Variants in UBE2S observed in about 807,000 individuals in gnomAD.
UBE2S encodes ubiquitin conjugating enzyme E2 S, also known as ubiquitin-conjugating enzyme E2 S.
In UBE2S, 3 loss-of-function variants were observed where a neutral mutation model predicts 12.3. The ratio of observed to expected loss-of-function variants is 0.24; its 90% CI spans 0.11 to 0.63. The LOEUF is 0.63. Among genes scored for constraint, UBE2S ranks in the 30% least tolerant of loss-of-function variants. The pLI, the probability that UBE2S is intolerant of heterozygous loss-of-function variation, is 0.85. For synonymous variants in UBE2S, 133 were observed against 142.0 expected (o/e 0.94, Z 0.45); for missense variants, 211 against 313.9 (o/e 0.67, Z 2.48).
rs761760162 is a variant in UBE2S, at chr19:55,400,913, C to G, written c.*523G>C. Reference sequence around the variant, plus strand: ...TTGGCCCAGTCCAGAACCAGACAGACGAGGCGAGCCTCATGCCAGACTGCT... The same window carrying G: ...TTGGCCCAGTCCAGAACCAGACAGAGGAGGCGAGCCTCATGCCAGACTGCT... On this transcript the variant is annotated 3_prime_UTR_variant, in exon 4 of 4. Transcript: ENST00000264552. 6.3e-6 allele frequency: 1 copy of G among 158,104 alleles called. No homozygotes were observed. Among genetic ancestry groups the G allele is most frequent in the South Asian group, 1.8e-4 (1 of 5,442 alleles). 9.8% of individuals were successfully genotyped at this position (158,104 alleles called of 1,614,324 possible).
At chr19:55,406,562 G>C (rs2090097299) in intron 2 of UBE2S, among the ~76,000 whole-genome samples, 1 of 152,142 alleles carries the variant, frequency 6.6e-6, no homozygotes, top group African/African-American at 2.4e-5. Context: ...GTCCAGGGAA[G>C]CCATGTCTGA....
In UBE2S at chr19:55,400,644, A is replaced by T. The variant is rs1249995749; in HGVS notation, c.*792T>A. 6.6e-6 allele frequency: 1 copy of T among 152,282 alleles called. No homozygotes were observed. The highest frequency in any genetic ancestry group is 1.5e-5 in the Non-Finnish European group (1 of 68,076). The allele number at this position is 152,282 out of a possible 1,614,324, so 9.4% of individuals were successfully genotyped here. A position where few individuals can be genotyped will look rare whatever the true frequency, so the allele number is the denominator to read the frequency against. Reference sequence around the variant, plus strand: ...AATCAGCCAACAACCATGAGCATGGAAGAGGACCCAGACTAAGGAACACCA... The same window carrying T: ...AATCAGCCAACAACCATGAGCATGGTAGAGGACCCAGACTAAGGAACACCA... On this transcript the variant is annotated 3_prime_UTR_variant, in exon 4 of 4. Transcript: ENST00000264552.
At chr19:55,407,361 C>T (rs2090103430) in intron 1 of UBE2S, among the ~76,000 whole-genome samples, 1 of 152,168 alleles carries the variant, frequency 6.6e-6, no homozygotes, top group African/African-American at 2.4e-5. Flanking sequence ...CTGGTAACAC[C>T]CATGGGCGGG....
In UBE2S at chr19:55,403,159, A is replaced by AT. The variant is rs1238112766; in HGVS notation, c.342+1128dup. On this transcript the variant is annotated intron_variant, in intron 3 of 3. Coordinates refer to ENST00000264552, the MANE Select transcript of UBE2S (RefSeq NM_014501.3). Reference sequence around the variant, plus strand: ...ACCCTTTCTGGTCTCCTGACAATGCATAATACCCCTTGGGGGGCAAAATCA... The same window carrying AT: ...ACCCTTTCTGGTCTCCTGACAATGCATTAATACCCCTTGGGGGGCAAAATCA... 4.2e-6 allele frequency: 3 copies of AT among 712,106 alleles called. No individual in the cohort carries two copies. The East Asian group carries it at 8.1e-5, about 19-fold the overall frequency. 44.1% of individuals were successfully genotyped at this position (712,106 alleles called of 1,614,324 possible). A position where few individuals can be genotyped will look rare whatever the true frequency, so the allele number is the denominator to read the frequency against.
In UBE2S at chr19:55,401,058, A is replaced by G. The variant is rs2090053480; in HGVS notation, c.*378T>C. 1 of 245,186 alleles carries G rather than the reference A, an allele frequency of 4.1e-6. No homozygotes were observed. Among genetic ancestry groups the G allele is most frequent in the East Asian group, 1.1e-4 (1 of 9,272 alleles). The allele number at this position is 245,186 out of a possible 1,614,324, so 15.2% of individuals were successfully genotyped here. ...AGGAGCAGCTCCAGGTCCTCGCCCCATTTTAGATTGGAAATCTGACTCCAA... is the reference window on the plus strand; with the variant it reads ...AGGAGCAGCTCCAGGTCCTCGCCCCGTTTTAGATTGGAAATCTGACTCCAA... On this transcript the variant is annotated 3_prime_UTR_variant, in exon 4 of 4. Transcript: ENST00000264552.
chr19:55,401,363 A>G lies in UBE2S; in HGVS notation c.*73T>C. On this transcript the variant is annotated 3_prime_UTR_variant, in exon 4 of 4. Coordinates refer to ENST00000264552, the MANE Select transcript of UBE2S (RefSeq NM_014501.3). ...CTCCCCGACCCCAGCCATAATTTAAATAACTTAGAGACAGAGTTGGAGGGA... is the reference window on the plus strand; with the variant it reads ...CTCCCCGACCCCAGCCATAATTTAAGTAACTTAGAGACAGAGTTGGAGGGA... 5 of 1,052,214 alleles carry G rather than the reference A, an allele frequency of 4.8e-6. No individual in the cohort carries two copies. The highest frequency in any genetic ancestry group is 6.8e-6 in the Non-Finnish European group (5 of 735,064). The allele number at this position is 1,052,214 out of a possible 1,614,324, so 65.2% of individuals were successfully genotyped here. A position where few individuals can be genotyped will look rare whatever the true frequency, so the allele number is the denominator to read the frequency against.
In UBE2S at chr19:55,407,575, G is replaced by A. The variant is rs755628007; in HGVS notation, c.3+12C>T. On this transcript the variant is annotated intron_variant, in intron 1 of 3. Transcript: ENST00000264552. ...CCCGACCACCTTCATGGGCCTCATC[G>A]CCCGTGCTCACCATGGCTGCGGCCG... 1.4e-5 allele frequency: 21 copies of A among 1,494,630 alleles called. No individual in the cohort carries two copies. In the Middle Eastern group the frequency reaches 5.2e-4, roughly 37 times the overall value. 92.6% of individuals were successfully genotyped at this position (1,494,630 alleles called of 1,614,324 possible).
intron 2 of UBE2S, among the ~76,000 whole-genome samples, chr19:55,405,750 C>T (rs562667182): frequency 8.0e-4 from 122 of 152,184 alleles, no homozygotes; most frequent in Non-Finnish European, 1.6e-3. Flanking sequence ...CCTTTCAGAT[C>T]AAGGATCCAA....
rs1002524695 is a variant in UBE2S, at chr19:55,407,762, C to T, written c.-173G>A. On this transcript the variant is annotated 5_prime_UTR_variant, in exon 1 of 4. Coordinates refer to ENST00000264552, the MANE Select transcript of UBE2S (RefSeq NM_014501.3). ...CCGCGCACAGCGTAGACCAACCCGC[C>T]GCCCCGGTGCCCGGCAGCACTGAGC... is the stretch of plus-strand genomic sequence containing the variant. 12 of 402,808 alleles carry T rather than the reference C, an allele frequency of 3.0e-5. No individual in the cohort carries two copies. The highest frequency in any genetic ancestry group is 4.5e-5 in the Non-Finnish European group (11 of 243,452). The allele number at this position is 402,808 out of a possible 1,614,324, so 25.0% of individuals were successfully genotyped here. A position where few individuals can be genotyped will look rare whatever the true frequency, so the allele number is the denominator to read the frequency against.
intron 2 of UBE2S, among the ~76,000 whole-genome samples, chr19:55,406,249 A>G (rs752792149): frequency 6.6e-6 from 1 of 152,008 alleles, no homozygotes; most frequent in Non-Finnish European, 1.5e-5. Flanking sequence ...CACCATCACC[A>G]CCGTGGACTA....
chr19:55,407,574 C>T lies in UBE2S; in HGVS notation c.3+13G>A, dbSNP rs750074169. The T allele has an allele frequency of 1.3e-6, 2 of 1,495,294 alleles. No individual in the cohort carries two copies. The highest frequency in any genetic ancestry group is 2.9e-5 in the East Asian group (1 of 34,608). 92.6% of individuals were successfully genotyped at this position (1,495,294 alleles called of 1,614,324 possible). On this transcript the variant is annotated intron_variant, in intron 1 of 3. Transcript: ENST00000264552. ...CCCCGACCACCTTCATGGGCCTCATCGCCCGTGCTCACCATGGCTGCGGCC... is the reference window on the plus strand; with the variant it reads ...CCCCGACCACCTTCATGGGCCTCATTGCCCGTGCTCACCATGGCTGCGGCC...
intron 1 of UBE2S, 22 bp downstream of exon 1, chr19:55,407,565 G>T: frequency 6.6e-7 from 1 of 1,510,148 alleles, no homozygotes; most frequent in Non-Finnish European, 8.8e-7. Flanking sequence ...CCACCTTCAT[G>T]GGCCTCATCG....
rs947425139 is a variant in UBE2S at position 55,401,287 on chromosome 19, T to C, written c.*149A>G. The C allele has an allele frequency of 1.1e-6, 1 of 904,430 alleles. No individual in the cohort carries two copies. The highest frequency in any genetic ancestry group is 1.7e-5 in the South Asian group (1 of 58,038). The allele number at this position is 904,430 out of a possible 1,614,324, so 56.0% of individuals were successfully genotyped here. ...GCATCTGTGAGACACAGAAGCTGCT[T>C]TTCCAACTTTATTTAGAAAAACAAA... On this transcript the variant is annotated 3_prime_UTR_variant, in exon 4 of 4. Transcript: ENST00000264552.
rs1455297093 is a variant in UBE2S at position 55,407,611 on chromosome 19, G to A, written c.-22C>T. 4.3e-6 allele frequency: 6 copies of A among 1,400,480 alleles called. No homozygotes were observed. The highest frequency in any genetic ancestry group is 1.6e-5 in the South Asian group (1 of 64,488). The allele number at this position is 1,400,480 out of a possible 1,614,324, so 86.8% of individuals were successfully genotyped here. ...CCATGGCTGCGGCCGGCCGGGGGCG[G>A]GTCCCCCCGGCCCCCTTCCTGCGTT... On this transcript the variant is annotated 5_prime_UTR_variant, in exon 1 of 4. Transcript: ENST00000264552.
chr19:55,407,580 T>C lies in UBE2S; in HGVS notation c.3+7A>G. On this transcript the variant is annotated splice_region_variant and intron_variant, in intron 1 of 3. Transcript: ENST00000264552. ...CCACCTTCATGGGCCTCATCGCCCG[T>C]GCTCACCATGGCTGCGGCCGGCCGG... is the stretch of plus-strand genomic sequence containing the variant. 2.0e-6 allele frequency: 3 copies of C among 1,487,194 alleles called. No homozygotes were observed. Among genetic ancestry groups the C allele is most frequent in the Non-Finnish European group, 2.7e-6 (3 of 1,123,664 alleles). The allele number at this position is 1,487,194 out of a possible 1,614,324, so 92.1% of individuals were successfully genotyped here.
In UBE2S at chr19:55,404,087, G is replaced by T. The variant is rs1214182655; in HGVS notation, c.342+201C>A. The T allele has an allele frequency of 4.4e-5, 27 of 616,064 alleles. No individual in the cohort carries two copies. In the East Asian group the frequency reaches 7.8e-4, roughly 18 times the overall value. The allele number at this position is 616,064 out of a possible 1,614,324, so 38.2% of individuals were successfully genotyped here. A position where few individuals can be genotyped will look rare whatever the true frequency, so the allele number is the denominator to read the frequency against. ...ACTCGTTGCATAGTAAGGTGCTCCT[G>T]GGCACTTCTCAACAGTACTTGGGTG... On this transcript the variant is annotated intron_variant, in intron 3 of 3. Transcript: ENST00000264552. This position sits in a 1 kb window ranked among gnomAD's most constrained non-coding sequence, Gnocchi z 4.4.
chr19:55,406,059 G>A (rs1336791576), intron 2 of UBE2S, among the ~76,000 whole-genome samples: 1 of 152,172 alleles, frequency 6.6e-6, no homozygotes, highest in Non-Finnish European at 1.5e-5. Flanking sequence ...AGGCCTAGAA[G>A]CCCTAAAAGA....
intron 2 of UBE2S, 137 bp downstream of exon 2, chr19:55,406,678 T>C: frequency 6.5e-6 from 7 of 1,079,288 alleles, no homozygotes; most frequent in Non-Finnish European, 9.3e-6. Flanking sequence ...ATTTGTGGCG[T>C]CCTGCCCTGT....
chr19:55,407,107 G>A (rs2090100839), intron 1 of UBE2S, 145 bp from the exon 2 acceptor site: 1 of 1,013,758 alleles, frequency 9.9e-7, no homozygotes, highest in South Asian at 2.0e-5. Flanking sequence ...CACCCAGGAT[G>A]CTTCAGGCCA....
Sources: allele counts gnomAD v4.1 joint callset (sites outside exome capture counted in the v4.1 genomes callset), GRCh38; gene constraint gnomAD v4.1.1; non-coding constraint Gnocchi (gnomAD v3.1); transcripts MANE v1.5; gene names NCBI Gene and HGNC (gene_info 2026-07-23, HGNC 2026-07-21).